Variants in C14orf93 observed in about 807,000 individuals in gnomAD.
C14orf93 encodes the protein uncharacterized protein C14orf93.
A neutral mutation model predicts 44.0 loss-of-function variants in C14orf93; 23 were observed. That is an observed-to-expected ratio of 0.52 (90% CI 0.38 to 0.74). The LOEUF is 0.74. C14orf93 is among the 30% of genes least tolerant of loss of function. The pLI, the probability that C14orf93 is intolerant of heterozygous loss-of-function variation, is 0.00. For synonymous variants in C14orf93, 253 were observed against 265.7 expected, an observed-to-expected ratio of 0.95 and a Z score of 0.46; for missense variants, 579 against 678.9, an observed-to-expected ratio of 0.85 and a Z score of 1.64.
At position 22,996,399 on chromosome 14, in the gene C14orf93, C is replaced by A. The variant is rs922215059; in HGVS notation, c.598-131G>T. The A allele has an allele frequency of 6.7e-6, 6 of 900,386 alleles. No homozygotes were observed. Among genetic ancestry groups the A allele is most frequent in the Non-Finnish European group, 9.7e-6 (6 of 620,224 alleles). The allele number at this position is 900,386 out of a possible 1,614,324, so 55.8% of individuals were successfully genotyped here. A position where few individuals can be genotyped will look rare whatever the true frequency, so the allele number is the denominator to read the frequency against. On this transcript the variant is annotated intron_variant, in intron 2 of 6. Transcript: ENST00000299088. This position sits in a 1 kb window ranked among gnomAD's most constrained non-coding sequence, Gnocchi z 4.1. Reference sequence around the variant, plus strand: ...GAACTCTAGCACAGTCTTTAATGGTCAATGGCTTGTTTCTCTGGGACTCCT... The same window carrying A: ...GAACTCTAGCACAGTCTTTAATGGTAAATGGCTTGTTTCTCTGGGACTCCT...
At chr14:23,005,102 A>G (rs1566699653) in intron 1 of C14orf93, 1 of 152,194 alleles carries the variant, frequency 6.6e-6, no homozygotes, top group Non-Finnish European at 1.5e-5. Context: ...AGCAATGTAT[A>G]GGATTAACTG....
At chr14:23,003,561 G>A (rs779927903) in intron 1 of C14orf93, among the ~76,000 whole-genome samples, 1 of 152,052 alleles carries the variant, frequency 6.6e-6, no homozygotes, top group Non-Finnish European at 1.5e-5. Flanking sequence ...GGCTGAGGTG[G>A]GCGGGTCACC....
chr14:23,002,290 A>C (rs1462063094), intron 1 of C14orf93, among the ~76,000 whole-genome samples: 1 of 151,758 alleles, frequency 6.6e-6, no homozygotes, highest in Non-Finnish European at 1.5e-5. Context: ...ATCTCTACTA[A>C]AAATACAAAA....
Position 22,986,896 on chromosome 14 carries a change from G to C in C14orf93, c.*319C>G, listed in dbSNP as rs891748538. The C allele has an allele frequency of 8.5e-6, 3 of 354,656 alleles. No homozygotes were observed. The highest frequency in any genetic ancestry group is 6.3e-5 in the African/African-American group (3 of 47,858). The allele number at this position is 354,656 out of a possible 1,614,324, so 22.0% of individuals were successfully genotyped here. On this transcript the variant is annotated 3_prime_UTR_variant, in exon 7 of 7. Transcript: ENST00000299088. ...CAGGGGCAGAAACAACTCAGAGACA[G>C]GGCATATGTCAAGAAGGCCTCATGT... is the stretch of plus-strand genomic sequence containing the variant.
intron 4 of C14orf93, 99 bp downstream of exon 4, chr14:22,989,967 A>G (rs2045492719): frequency 7.0e-7 from 1 of 1,426,026 alleles, no homozygotes; most frequent in South Asian, 1.2e-5. Flanking sequence ...GTATGGTGAG[A>G]TCAAAGCCTT....
At chr14:22,995,439 G>A (rs746276111) in intron 3 of C14orf93, among the ~76,000 whole-genome samples, 1 of 152,170 alleles carries the variant, frequency 6.6e-6, no homozygotes, top group Non-Finnish European at 1.5e-5. Flanking sequence ...CAGTACTTTG[G>A]GAGGCCGAGG....
At chr14:22,998,261 A>G in intron 2 of C14orf93, 166 bp downstream of exon 2, 1 of 1,052,880 alleles carries the variant, frequency 9.5e-7, no homozygotes, top group Non-Finnish European at 1.3e-6. Flanking sequence ...GTTCAGGAAG[A>G]AAATAGAGCT....
At chr14:23,009,650 CT>C (rs1255059783) in intron 1 of C14orf93, among the ~76,000 whole-genome samples, 1 of 108,548 alleles carries the variant, frequency 9.2e-6, no homozygotes, top group Non-Finnish European at 1.8e-5. Context: ...GGTTTTGGTT[CT>C]GGGGGGGTGG....
At chr14:23,008,043 C>T (rs1258018175) in intron 1 of C14orf93, among the ~76,000 whole-genome samples, 2 of 151,700 alleles carry the variant, frequency 1.3e-5, no homozygotes, top group Non-Finnish European at 2.9e-5. Context: ...ATCCCAGCTA[C>T]TCGGGAGGCC....
intron 3 of C14orf93, among the ~76,000 whole-genome samples, chr14:22,991,401 C>T (rs1183630175): frequency 6.6e-6 from 1 of 150,860 alleles, no homozygotes; most frequent in Non-Finnish European, 1.5e-5. Flanking sequence ...ACCACCACCA[C>T]ATCCAGCTAA....
rs116754674 is a variant in C14orf93 at position 22,987,846 on chromosome 14, C to A, written c.1197+57G>T. The A allele has an allele frequency of 1.8e-3, 2,525 of 1,416,514 alleles. 37 individuals are homozygous for A. In the African/African-American group the frequency reaches 0.032, roughly 18 times the overall value. The allele number at this position is 1,416,514 out of a possible 1,614,324, so 87.7% of individuals were successfully genotyped here. ...TCATATGCCATGTCCTCTGGCCCTT[C>A]CCACTTAGGAAAGGGTTTAGAGTTT... On this transcript the variant is annotated intron_variant, in intron 6 of 6. Transcript: ENST00000299088. This position sits in a 1 kb window ranked among gnomAD's most constrained non-coding sequence, Gnocchi z 5.6.
intron 5 of C14orf93, among the ~76,000 whole-genome samples, chr14:22,989,174 G>A (rs2045433456): frequency 6.6e-6 from 1 of 152,076 alleles, no homozygotes; most frequent in African/African-American, 2.4e-5. Context: ...TTTGTTTTTG[G>A]TAAAGATTGG....
rs1358489597 is a variant in C14orf93, at chr14:22,999,311, G to A, written c.-288C>T. 1.4e-5 allele frequency: 4 copies of A among 291,504 alleles called. No individual in the cohort carries two copies. The highest frequency in any genetic ancestry group is 6.5e-5 in the East Asian group (1 of 15,322). The allele number at this position is 291,504 out of a possible 1,614,324, so 18.1% of individuals were successfully genotyped here. A position where few individuals can be genotyped will look rare whatever the true frequency, so the allele number is the denominator to read the frequency against. ...GCCTTCCTGATGAACGGTTTCAGAC[G>A]GTAGAGAGCATTCCTTCTGCCCCCC... On this transcript the variant is annotated 5_prime_UTR_variant, in exon 2 of 7. Coordinates refer to ENST00000299088, the MANE Select transcript of C14orf93 (RefSeq NM_021944.4).
At chr14:22,991,221 G>C (rs933973495) in intron 3 of C14orf93, among the ~76,000 whole-genome samples, 2 of 150,576 alleles carry the variant, frequency 1.3e-5, no homozygotes, top group African/African-American at 4.9e-5. Flanking sequence ...CCAGGCTGGA[G>C]TGCACTCATT....
rs766721014 is a variant in C14orf93 at position 22,987,301 on chromosome 14, C to T, written c.1531G>A (p.Gly511Ser). 1 of 1,614,234 alleles carries T rather than the reference C, an allele frequency of 6.2e-7. No individual in the cohort carries two copies. The highest frequency in any genetic ancestry group is 8.5e-7 in the Non-Finnish European group (1 of 1,180,008). Residue 511 changes from glycine to serine, a missense_variant, in exon 7 of 7, where the codon GGC becomes AGC. Transcript: ENST00000299088. The surrounding 1 kb of genome is among the most constrained non-coding windows in gnomAD (Gnocchi z 5.6). The stretch of plus-strand genomic sequence containing the variant: ...TGGGGTTGGTCAAAAGATGGGGAGC[C>T]AGGTGCATTCTCATCCCCTCCCTCA... ...EDEGGDENAPGSPSFDQPHKT... is the reference protein window; with the variant it reads ...EDEGGDENAPSSPSFDQPHKT...
chr14:23,001,150 C>A (rs1221484478), intron 1 of C14orf93: 4 of 152,066 alleles, frequency 2.6e-5, no homozygotes, highest in Non-Finnish European at 2.9e-5. Flanking sequence ...TAAGGGCCTA[C>A]ACTGCTCCTG....
chr14:22,987,991 G>C lies in C14orf93; in HGVS notation c.1109C>G (p.Thr370Ser). The change falls in exon 6 of 7, where the codon ACT becomes AGT. Residue 370 changes from threonine (T) to serine (S), a missense_variant. By Grantham distance (58) the Thr-to-Ser change is moderately conservative (BLOSUM62 1). Transcript: ENST00000299088. The surrounding 1 kb of genome is among the most constrained non-coding windows in gnomAD (Gnocchi z 5.6). ...GGAGTTGCGGTACTCACGCCTCTTA[G>C]TAAGGAAGTAGGCCACACAGGCTCC... ...LKGACVAYFLTKRREYRNSLN... is the reference protein window; with the variant it reads ...LKGACVAYFLSKRREYRNSLN... 6.2e-7 allele frequency: 1 copy of C among 1,613,570 alleles called. No individual in the cohort carries two copies. The highest frequency in any genetic ancestry group is 8.5e-7 in the Non-Finnish European group (1 of 1,179,684).
At chr14:22,998,353 A>C in intron 2 of C14orf93, 74 bp downstream of exon 2, 5 of 1,430,996 alleles carry the variant, frequency 3.5e-6, no homozygotes, top group African/African-American at 1.4e-5. Flanking sequence ...ATGGAAAGAA[A>C]AGAACAGAAA....
At position 23,003,898 on chromosome 14, in the gene C14orf93, A is replaced by ATTT. The variant is rs1170432984; in HGVS notation, c.-379-4499_-379-4497dup. ...TATATATATATATATATATATATATATTTTTTTTTTTTTTTTTTTTTTTTT... is the reference window on the plus strand; with the variant it reads ...TATATATATATATATATATATATATATTTTTTTTTTTTTTTTTTTTTTTTTTTT... On this transcript the variant is annotated intron_variant, in intron 1 of 6. Transcript: ENST00000299088. Among the ~76,000 whole-genome samples, 50 of 10,378 alleles carry ATTT rather than the reference A, an allele frequency of 4.8e-3. 13 individuals are homozygous for ATTT. The highest frequency in any genetic ancestry group is 0.011 in the Admixed American group (5 of 468). 6.8% of individuals were successfully genotyped at this position (10,378 alleles called of 152,430 possible). A position where few individuals can be genotyped will look rare whatever the true frequency, so the allele number is the denominator to read the frequency against.
Sources: gnomAD v4.1 joint callset for allele counts (sites outside exome capture counted in the v4.1 genomes callset) on GRCh38, gnomAD v4.1.1 for gene constraint, Gnocchi (gnomAD v3.1) non-coding constraint, MANE v1.5 for transcripts, NCBI Gene and HGNC (gene_info 2026-07-23, HGNC 2026-07-21) for gene names.